The following LRRC7 variants were observed in gnomAD, a reference collection of about 807,000 sequenced individuals.
LRRC7 encodes the protein leucine rich repeat containing 7.
In LRRC7, 23 loss-of-function variants were observed where a neutral mutation model predicts 175.7. That is an observed-to-expected ratio of 0.13 (90% CI 0.09 to 0.19). The LOEUF (loss-of-function observed/expected upper bound fraction) is 0.19, where lower values mean the gene tolerates loss of function less well. Ranked by LOEUF, LRRC7 falls within the 10% of genes least tolerant of loss-of-function variation. The pLI is 1.00. For synonymous variants in LRRC7, 685 were observed against 680.9 expected, an observed-to-expected ratio of 1.01 and a Z score of -0.09; for missense variants, 1,354 against 1,904.7, an observed-to-expected ratio of 0.71 and a Z score of 5.38.
intron 23 of LRRC7, among the ~76,000 whole-genome samples, chr1:70,059,473 A>ATGTGTGTG (rs1558034876): frequency 1.0e-5 from 1 of 99,548 alleles, no homozygotes; most frequent in African/African-American, 4.4e-5. Context: ...AACTAGAAGA[A>ATGTGTGTG]AGTGTGTGTG....
intron 7 of LRRC7, chr1:69,875,021 G>C (rs1181106365): frequency 6.6e-6 from 1 of 152,024 alleles, no homozygotes; most frequent in East Asian, 1.9e-4. Flanking sequence ...TGTAGAATAA[G>C]TTGCACTATC....
chr1:69,968,182 A>T (rs770551714), intron 8 of LRRC7, among the ~76,000 whole-genome samples: 2 of 152,116 alleles, frequency 1.3e-5, no homozygotes, highest in Non-Finnish European at 2.9e-5. Context: ...CAGCAATAGA[A>T]TTGAACAAGC....
At chr1:69,958,010 GA>G (rs1201462010) in intron 8 of LRRC7, among the ~76,000 whole-genome samples, 1 of 151,658 alleles carries the variant, frequency 6.6e-6, no homozygotes, top group Non-Finnish European at 1.5e-5. Context: ...ATATTAATGA[GA>G]AAAAACAGAT....
At chr1:69,988,289 C>G (rs1353820302) in intron 10 of LRRC7, among the ~76,000 whole-genome samples, 1 of 152,120 alleles carries the variant, frequency 6.6e-6, no homozygotes, top group Non-Finnish European at 1.5e-5. Flanking sequence ...GCCACACTCA[C>G]CCAGGCATGG....
chr1:69,621,169 C>T (rs1224452105), intron 1 of LRRC7, among the ~76,000 whole-genome samples: 2 of 151,942 alleles, frequency 1.3e-5, no homozygotes, highest in African/African-American at 2.4e-5. Context: ...CTCAGGTTCC[C>T]GAGTAGCTGG....
intron 1 of LRRC7, among the ~76,000 whole-genome samples, chr1:69,626,877 T>A (rs1181395599): frequency 6.6e-6 from 1 of 152,030 alleles, no homozygotes; most frequent in Non-Finnish European, 1.5e-5. Context: ...TCCAGCTTCA[T>A]CCATGTCCCC....
intron 7 of LRRC7, among the ~76,000 whole-genome samples, chr1:69,914,593 A>G (rs1424705859): frequency 2.0e-5 from 3 of 152,192 alleles, no homozygotes; most frequent in Non-Finnish European, 4.4e-5. Context: ...ATACACAAAT[A>G]TAAATAGTTA....
At chr1:70,013,980 C>A (rs1007374747) in intron 13 of LRRC7, 1 of 151,952 alleles carries the variant, frequency 6.6e-6, no homozygotes, top group African/African-American at 2.4e-5. Context: ...TTCAAAACTT[C>A]ATTTACTAGT....
chr1:69,585,534 T>C (rs1646369770), intron 1 of LRRC7, among the ~76,000 whole-genome samples: 1 of 152,174 alleles, frequency 6.6e-6, no homozygotes, highest in Non-Finnish European at 1.5e-5. Flanking sequence ...TTCTAAAAAG[T>C]TGATAAATAG....
At position 70,135,024 on chromosome 1, in the gene LRRC7, T is replaced by C. The variant is rs575932378; in HGVS notation, c.*13137T>C. Among the ~76,000 whole-genome samples the C allele has an allele frequency of 7.9e-5, 12 of 152,352 alleles. No individual in the cohort carries two copies. Among genetic ancestry groups the C allele is most frequent in the African/African-American group, 2.4e-4 (10 of 41,588 alleles). ...ATCCAGAACTATTTAAATACTAGAA[T>C]GAAAATTACATAGAATTTTACTGAA... On this transcript the variant is annotated 3_prime_UTR_variant, in exon 27 of 27. Coordinates refer to ENST00000651989, the MANE Select transcript of LRRC7 (RefSeq NM_001370785.2).
At chr1:69,572,608 A>G (rs899966686) in intron 1 of LRRC7, among the ~76,000 whole-genome samples, 4 of 152,164 alleles carry the variant, frequency 2.6e-5, no homozygotes, top group African/African-American at 4.8e-5. Flanking sequence ...TTACATTTTT[A>G]TAGAAACAAC....
intron 2 of LRRC7, among the ~76,000 whole-genome samples, chr1:69,724,638 T>C (rs1666741933): frequency 6.6e-6 from 1 of 152,200 alleles, no homozygotes; most frequent in Non-Finnish European, 1.5e-5. Context: ...GTAGGATTTA[T>C]TTATGCAACT....
intron 11 of LRRC7, among the ~76,000 whole-genome samples, chr1:70,008,549 G>A (rs1656199324): frequency 1.3e-5 from 2 of 152,186 alleles, no homozygotes; most frequent in Non-Finnish European, 2.9e-5. Flanking sequence ...ATCACCAGTT[G>A]TAGCATGAAT....
chr1:70,010,296 T>C (rs1447567074), intron 11 of LRRC7, among the ~76,000 whole-genome samples: 2 of 152,216 alleles, frequency 1.3e-5, no homozygotes, highest in Non-Finnish European at 2.9e-5. Flanking sequence ...CCAGGCACAG[T>C]GGCTCACGCC....
At chr1:69,790,184 C>T (rs1463677684) in intron 3 of LRRC7, among the ~76,000 whole-genome samples, 4 of 152,068 alleles carry the variant, frequency 2.6e-5, no homozygotes, top group Non-Finnish European at 4.4e-5. Flanking sequence ...ATTTTATAGG[C>T]AAGGAAACTG....
intron 1 of LRRC7, among the ~76,000 whole-genome samples, chr1:69,631,169 T>C (rs1259633429): frequency 2.6e-5 from 4 of 152,190 alleles, no homozygotes; most frequent in African/African-American, 9.6e-5. Flanking sequence ...TCTGCACTTT[T>C]CGAAACCCTA....
At chr1:69,750,004 T>C (rs1409213659) in intron 2 of LRRC7, among the ~76,000 whole-genome samples, 2 of 151,634 alleles carry the variant, frequency 1.3e-5, no homozygotes, top group East Asian at 1.9e-4. Context: ...GAGGTTGCAG[T>C]GAGCTGAGAT....
intron 2 of LRRC7, among the ~76,000 whole-genome samples, chr1:69,712,235 A>AACACACACACAC (rs57948269): frequency 6.6e-6 from 1 of 150,698 alleles, no homozygotes; most frequent in Non-Finnish European, 1.5e-5. Context: ...TGAGAAAAAG[A>AACACACACACAC]ACACACACAC....
At position 70,137,488 on chromosome 1, in the gene LRRC7, T is replaced by G. The variant is rs1666917307; in HGVS notation, c.*15601T>G. On this transcript the variant is annotated 3_prime_UTR_variant, in exon 27 of 27. Transcript: ENST00000651989. Reference sequence around the variant, plus strand: ...GTACATCTGGTGGACTTGCATATCTTTAACACTTATCATGTACCTACATAC... The same window carrying G: ...GTACATCTGGTGGACTTGCATATCTGTAACACTTATCATGTACCTACATAC... Among the ~76,000 whole-genome samples the G allele has an allele frequency of 6.6e-6, 1 of 152,250 alleles. No homozygotes were observed. The highest frequency in any genetic ancestry group is 2.4e-5 in the African/African-American group (1 of 41,460).
Sources: allele counts gnomAD v4.1 joint callset (sites outside exome capture counted in the v4.1 genomes callset), GRCh38; gene constraint gnomAD v4.1.1; transcripts MANE v1.5; gene names NCBI Gene and HGNC (gene_info 2026-07-23, HGNC 2026-07-21).